Variants in PLIN1 observed in about 807,000 individuals in gnomAD.
PLIN1 encodes perilipin-1.
A neutral mutation model predicts 45.8 loss-of-function variants in PLIN1; 37 were observed. The observed-to-expected ratio is 0.81, with a 90% CI of 0.62 to 1.06. The LOEUF (loss-of-function observed/expected upper bound fraction) is 1.06, where lower values mean the gene tolerates loss of function less well. Among genes scored for constraint, PLIN1 ranks in the 50% least tolerant of loss-of-function variants. The pLI is 0.00. For synonymous variants in PLIN1, 340 were observed against 309.2 expected, an observed-to-expected ratio of 1.10 and a Z score of -1.05; for missense variants, 776 against 716.5, an observed-to-expected ratio of 1.08 and a Z score of -0.95.
chr15:89,666,826 AGAG>A, intron 8 of PLIN1, 107 bp downstream of exon 8: 1 of 1,292,846 alleles, frequency 7.7e-7, no homozygotes, highest in Non-Finnish European at 1.1e-6. Flanking sequence ...GGCGGTCTCC[AGAG>A]GAGTAGGGGA....
intron 6 of PLIN1, 140 bp from the exon 7 acceptor site, chr15:89,667,933 T>C (rs1448537807): frequency 1.1e-5 from 13 of 1,178,204 alleles, no homozygotes; most frequent in Non-Finnish European, 1.4e-5. Context: ...TTCTGGAAAC[T>C]TTTTATTGAG....
At position 89,667,320 on chromosome 15, in the gene PLIN1, G is replaced by A. The variant is rs1425775606; in HGVS notation, c.964-139C>T. 11 of 1,176,848 alleles carry A rather than the reference G, an allele frequency of 9.3e-6. No individual in the cohort carries two copies. The African/African-American group carries it at 1.3e-4, about 14-fold the overall frequency. 72.9% of individuals were successfully genotyped at this position (1,176,848 alleles called of 1,614,324 possible). A position where few individuals can be genotyped will look rare whatever the true frequency, so the allele number is the denominator to read the frequency against. On this transcript the variant is annotated intron_variant, in intron 7 of 8. Coordinates refer to ENST00000300055, the MANE Select transcript of PLIN1 (RefSeq NM_002666.5). The stretch of plus-strand genomic sequence containing the variant: ...AGGCCTATTCTGCCACTAGCAGTGT[G>A]GCCTTGGACAGGTCACATTCCCTCT...
At position 89,671,522 on chromosome 15, in the gene PLIN1, A is replaced by C; in HGVS notation, c.293T>G (p.Leu98Arg). 6.3e-7 allele frequency: 1 copy of C among 1,576,708 alleles called. No individual in the cohort carries two copies. Among genetic ancestry groups the C allele is most frequent in the Non-Finnish European group, 8.6e-7 (1 of 1,160,734 alleles). The change falls in exon 4 of 9, where the codon CTG becomes CGG. Residue 98 changes from leucine to arginine, a missense_variant. By Grantham distance (102) the Leu-to-Arg change is moderately radical. Transcript: ENST00000300055. ...CTGGAGGGCGGGGATCTTTTCCTCC[A>C]GGTGGTCCAAGCCTCGGCAGGCCAG... Reference protein sequence around the residue: ...NELACRGLDHLEEKIPALQYP... With the variant: ...NELACRGLDHREEKIPALQYP...
chr15:89,665,667 C>A lies in PLIN1; in HGVS notation c.1485G>T (p.Arg495Ser). The change falls in exon 9 of 9, where the codon AGG becomes AGT. Residue 495 changes from arginine to serine, a missense_variant. By Grantham distance (110) the Arg-to-Ser change is moderately radical (BLOSUM62 -1). Transcript: ENST00000300055. ...TGGGCCGGAAGAAGCTGTCGCTGAC[C>A]CTGCGCTTTGGCTTCTCGCGGGGCA... ...PAVPREKPKRRVSDSFFRPSV... is the reference protein window; with the variant it reads ...PAVPREKPKRSVSDSFFRPSV... 2 of 1,490,744 alleles carry A rather than the reference C, an allele frequency of 1.3e-6. No individual in the cohort carries two copies. The highest frequency in any genetic ancestry group is 1.8e-6 in the Non-Finnish European group (2 of 1,123,750). 92.3% of individuals were successfully genotyped at this position (1,490,744 alleles called of 1,614,324 possible). A position where few individuals can be genotyped will look rare whatever the true frequency, so the allele number is the denominator to read the frequency against.
intron 7 of PLIN1, 152 bp downstream of exon 7, chr15:89,667,450 G>C: frequency 8.1e-7 from 1 of 1,239,888 alleles, no homozygotes; most frequent in Non-Finnish European, 1.2e-6. Context: ...GAAGTCCCTC[G>C]CCAGCTGGGC....
intron 2 of PLIN1, among the ~76,000 whole-genome samples, chr15:89,675,027 G>T (rs1313378289): frequency 6.6e-6 from 1 of 152,168 alleles, no homozygotes; most frequent in Non-Finnish European, 1.5e-5. Context: ...GAGGCGGGAA[G>T]ATCGCATGAG....
chr15:89,675,774 G>A (rs989569305), intron 2 of PLIN1, among the ~76,000 whole-genome samples: 1 of 152,114 alleles, frequency 6.6e-6, no homozygotes, highest in Non-Finnish European at 1.5e-5. Flanking sequence ...CCAACACTGA[G>A]TCGATGAGGA....
intron 7 of PLIN1, 98 bp downstream of exon 7, chr15:89,667,504 C>T: frequency 6.4e-7 from 1 of 1,573,690 alleles, no homozygotes; most frequent in East Asian, 2.2e-5. Flanking sequence ...ATGCCGTGCC[C>T]CTGCATCTGG....
At position 89,665,509 on chromosome 15, in the gene PLIN1, G is replaced by C. The variant is rs1456576688; in HGVS notation, c.*74C>G. 1.4e-6 allele frequency: 2 copies of C among 1,447,668 alleles called. No homozygotes were observed. Among genetic ancestry groups the C allele is most frequent in the East Asian group, 2.6e-5 (1 of 37,754 alleles). The allele number at this position is 1,447,668 out of a possible 1,614,324, so 89.7% of individuals were successfully genotyped here. On this transcript the variant is annotated 3_prime_UTR_variant, in exon 9 of 9. Coordinates refer to ENST00000300055, the MANE Select transcript of PLIN1 (RefSeq NM_002666.5). ...GACCACTTTGAAAGTGGCAACGCTC[G>C]CCTGGGCAGTGCGGGTTCTGTTTAT...
chr15:89,675,314 A>G (rs1464058220), intron 2 of PLIN1, among the ~76,000 whole-genome samples: 3 of 151,576 alleles, frequency 2.0e-5, no homozygotes, highest in African/African-American at 4.9e-5. Flanking sequence ...GAGTAAAAGA[A>G]TGAATTCTAG....
chr15:89,669,876 C>A (rs947579100), intron 5 of PLIN1, 104 bp downstream of exon 5: 2 of 1,242,468 alleles, frequency 1.6e-6, no homozygotes, highest in Non-Finnish European at 1.1e-6. Context: ...ATCCCACTGG[C>A]CTTCCCTATT....
At chr15:89,673,091 G>A in intron 3 of PLIN1, 119 bp downstream of exon 3, 1 of 756,046 alleles carries the variant, frequency 1.3e-6, no homozygotes, top group Non-Finnish European at 2.3e-6. Context: ...TGGGATGTGG[G>A]CAGTTAAGCA....
intron 1 of PLIN1, among the ~76,000 whole-genome samples, chr15:89,678,594 C>T (rs999781318): frequency 5.3e-5 from 8 of 151,910 alleles, no homozygotes; most frequent in African/African-American, 1.9e-4. Flanking sequence ...TCTTAAGGCT[C>T]TTAAATGAGG....
chr15:89,672,984 T>G (rs1245850495), intron 3 of PLIN1, among the ~76,000 whole-genome samples: 1 of 152,202 alleles, frequency 6.6e-6, no homozygotes, highest in Non-Finnish European at 1.5e-5. Context: ...ATCATTGTTA[T>G]CCTAGGAAAA....
intron 6 of PLIN1, 139 bp downstream of exon 6, chr15:89,669,361 A>C: frequency 1.3e-6 from 1 of 787,792 alleles, no homozygotes; most frequent in Non-Finnish European, 2.2e-6. Context: ...AAGTCCTCTT[A>C]GAACTGAAGC....
rs1294909808 is a variant in PLIN1 at position 89,667,124 on chromosome 15, T to C, written c.1021A>G (p.Lys341Glu). ...LLGGVAHTLQ[K>E]TLQTTISAVT... Reference sequence around the variant, plus strand: ...GCCGAGATGGTGGTCTGGAGGGTCTTCTGCAGGGTATGTGCCACACCACCC... The same window carrying C: ...GCCGAGATGGTGGTCTGGAGGGTCTCCTGCAGGGTATGTGCCACACCACCC... Residue 341 changes from lysine (K) to glutamate (E), a missense_variant, in exon 8 of 9, where the codon AAG becomes GAG. Coordinates refer to ENST00000300055, the MANE Select transcript of PLIN1 (RefSeq NM_002666.5). 7.4e-6 allele frequency: 12 copies of C among 1,613,320 alleles called. No individual in the cohort carries two copies. Among genetic ancestry groups the C allele is most frequent in the African/African-American group, 1.3e-5 (1 of 74,902 alleles).
chr15:89,665,846 A>G lies in PLIN1; in HGVS notation c.1306T>C (p.Ser436Pro), dbSNP rs753375535. The change falls in exon 9 of 9, where the codon TCT becomes CCT. Residue 436 changes from serine to proline, a missense_variant. By Grantham distance (74) the Ser-to-Pro change is moderately conservative (BLOSUM62 -1). Transcript: ENST00000300055. ...VERREAERRA[S>P]GAPSAGPEPA... ...TCCGGGCCGGCGGACGGCGCCCCAGACGCTCTGCGCTCCGCCTCCCGGCGC... is the reference window on the plus strand; with the variant it reads ...TCCGGGCCGGCGGACGGCGCCCCAGGCGCTCTGCGCTCCGCCTCCCGGCGC... 8 of 1,467,508 alleles carry G rather than the reference A, an allele frequency of 5.5e-6. No homozygotes were observed. In the Middle Eastern group the frequency reaches 6.3e-4, roughly 116 times the overall value. 90.9% of individuals were successfully genotyped at this position (1,467,508 alleles called of 1,614,324 possible).
chr15:89,665,945 G>A lies in PLIN1; in HGVS notation c.1210-3C>T, dbSNP rs944415473. On this transcript the variant is annotated splice_region_variant and splice_polypyrimidine_tract_variant and intron_variant, in intron 8 of 8. Coordinates refer to ENST00000300055, the MANE Select transcript of PLIN1 (RefSeq NM_002666.5). ...TCCATCAGCGACAGCCTGGGGAGCTGAGGGCCCGGCAGCCGCCTTAGAGTC... is the reference window on the plus strand; with the variant it reads ...TCCATCAGCGACAGCCTGGGGAGCTAAGGGCCCGGCAGCCGCCTTAGAGTC... The A allele has an allele frequency of 3.3e-6, 5 of 1,499,184 alleles. No homozygotes were observed. The African/African-American group carries it at 7.1e-5, about 21-fold the overall frequency. The allele number at this position is 1,499,184 out of a possible 1,614,324, so 92.9% of individuals were successfully genotyped here.
intron 5 of PLIN1, 52 bp downstream of exon 5, chr15:89,669,928 G>C (rs1964410849): frequency 1.3e-6 from 2 of 1,573,594 alleles, no homozygotes; most frequent in South Asian, 2.3e-5. Context: ...CTGATTCCCA[G>C]GCAGTGTGTG....
Sources: gnomAD v4.1 joint callset for allele counts (sites outside exome capture counted in the v4.1 genomes callset) on GRCh38, gnomAD v4.1.1 for gene constraint, MANE v1.5 for transcripts, NCBI Gene and HGNC (gene_info 2026-07-23, HGNC 2026-07-21) for gene names.